The following JMJD1C variants were observed in gnomAD, a reference collection of about 807,000 sequenced individuals.
The protein encoded by JMJD1C is jumonji domain containing 1C.
JMJD1C carries 31 observed loss-of-function variants against 245.3 expected under a neutral mutation model. That is an observed-to-expected ratio of 0.13 (90% CI 0.09 to 0.17). The LOEUF (loss-of-function observed/expected upper bound fraction) is 0.17, where lower values mean the gene tolerates loss of function less well. Among genes scored for constraint, JMJD1C ranks in the 10% least tolerant of loss-of-function variants. The probability of loss-of-function intolerance (pLI) is 1.00; values close to 1 mark genes in which losing one functional copy is unlikely to be tolerated. For missense variants in JMJD1C, 2,691 were observed against 3,000.2 expected (o/e 0.90, Z 2.41); for synonymous variants, 1,057 against 1,017.4 (o/e 1.04, Z -0.74).
intron 1 of JMJD1C, among the ~76,000 whole-genome samples, chr10:63,398,897 T>C (rs1008710668): frequency 1.3e-5 from 2 of 152,208 alleles, no homozygotes; most frequent in African/African-American, 4.8e-5. Context: ...TTCACATGCT[T>C]TGGCCTCCCA....
chr10:63,465,673 G>A lies in JMJD1C; in HGVS notation c.-11C>T. On this transcript the variant is annotated 5_prime_UTR_variant, in exon 1 of 26. Transcript: ENST00000399262. The stretch of plus-strand genomic sequence containing the variant: ...CGTCTCTACCGCCATAGCTGTCGCT[G>A]CCGAAGCGGCCGCTGCCTCCTCCAG... The A allele has an allele frequency of 1.2e-6, 2 of 1,606,556 alleles. No homozygotes were observed. Among genetic ancestry groups the A allele is most frequent in the Non-Finnish European group, 1.7e-6 (2 of 1,179,770 alleles).
At chr10:63,342,394 C>A (rs993318969) in intron 2 of JMJD1C, among the ~76,000 whole-genome samples, 2 of 152,168 alleles carry the variant, frequency 1.3e-5, no homozygotes, top group African/African-American at 4.8e-5. Flanking sequence ...AAGACAAAAA[C>A]CATTGTTAAT....
At chr10:63,405,704 T>C (rs1460158552) in intron 1 of JMJD1C, among the ~76,000 whole-genome samples, 1 of 152,178 alleles carries the variant, frequency 6.6e-6, no homozygotes, top group Non-Finnish European at 1.5e-5. Flanking sequence ...TTTAATTCTA[T>C]AGATGTCAAT....
At chr10:63,248,764 A>T (rs2133600070) in intron 3 of JMJD1C, among the ~76,000 whole-genome samples, 1 of 152,316 alleles carries the variant, frequency 6.6e-6, no homozygotes, top group South Asian at 2.1e-4. Context: ...TATCAAAGAG[A>T]TAGCTGCATT....
chr10:63,437,735 A>G (rs1437824560), intron 1 of JMJD1C, among the ~76,000 whole-genome samples: 2 of 152,176 alleles, frequency 1.3e-5, no homozygotes, highest in Non-Finnish European at 2.9e-5. Context: ...TGTTCCCACT[A>G]TTACACTGAA....
chr10:63,437,525 T>C (rs188456115), intron 1 of JMJD1C, among the ~76,000 whole-genome samples: 11 of 152,344 alleles, frequency 7.2e-5, no homozygotes, highest in East Asian at 5.8e-4. Flanking sequence ...AATTCCTCCT[T>C]AGTTGCATCA....
intron 3 of JMJD1C, among the ~76,000 whole-genome samples, chr10:63,252,919 G>A (rs752482183): frequency 6.6e-6 from 1 of 152,302 alleles, no homozygotes; most frequent in South Asian, 2.1e-4. Flanking sequence ...AGCAATAAAT[G>A]AATGCCTATA....
chr10:63,289,098 C>T (rs867386648), intron 2 of JMJD1C, among the ~76,000 whole-genome samples: 23 of 151,888 alleles, frequency 1.5e-4, no homozygotes, highest in Non-Finnish European at 1.2e-4. Context: ...TGGGTCTTTT[C>T]GTTGCCTGGC....
At chr10:63,505,117 C>T (rs1954677934) in intron 1 of JMJD1C, among the ~76,000 whole-genome samples, 1 of 152,098 alleles carries the variant, frequency 6.6e-6, no homozygotes. Context: ...TCGAGACCAT[C>T]CTGGCTAACA....
intron 2 of JMJD1C, among the ~76,000 whole-genome samples, chr10:63,356,547 C>T (rs1183417100): frequency 1.3e-5 from 2 of 152,178 alleles, no homozygotes; most frequent in African/African-American, 4.8e-5. Flanking sequence ...GGAGATATTA[C>T]AATGGTTTGG....
Position 63,234,493 on chromosome 10 carries a change from T to TAAAAAAA in JMJD1C, c.448-14517_448-14511dup, listed in dbSNP as rs71025129. ...TCATCAACAGAGAGAAACCTCCTCTTAAAAAAAAAAAAAAAAAAAAAAAAA... is the reference window on the plus strand; with the variant it reads ...TCATCAACAGAGAGAAACCTCCTCTTAAAAAAAAAAAAAAAAAAAAAAAAAAAAAAAA... On this transcript the variant is annotated intron_variant, in intron 3 of 25. Coordinates refer to ENST00000399262, the MANE Select transcript of JMJD1C (RefSeq NM_032776.3). 3.1e-3 allele frequency among the ~76,000 whole-genome samples: 113 copies of TAAAAAAA among 37,012 alleles called. 2 individuals are homozygous for TAAAAAAA. Among genetic ancestry groups the TAAAAAAA allele is most frequent in the East Asian group, 0.023 (25 of 1,066 alleles). 24.3% of individuals were successfully genotyped at this position (37,012 alleles called of 152,430 possible).
chr10:63,450,027 C>G (rs1372880955), intron 1 of JMJD1C, among the ~76,000 whole-genome samples: 1 of 152,002 alleles, frequency 6.6e-6, no homozygotes, highest in Non-Finnish European at 1.5e-5. Flanking sequence ...ATAGGAGGCT[C>G]ACTTGGGCCC....
Position 63,269,697 on chromosome 10 carries a change from A to C in JMJD1C, c.334-4933T>G, listed in dbSNP as rs989527120. Among the ~76,000 whole-genome samples, 21 of 152,320 alleles carry C rather than the reference A, an allele frequency of 1.4e-4. No individual in the cohort carries two copies. In the South Asian group the frequency reaches 4.3e-3, roughly 32 times the overall value. ...CTCATAGGCATTTTACTAAAAAAAA[A>C]CTGGTAATATTTATTTTGGTAGATT... On this transcript the variant is annotated intron_variant, in intron 2 of 25. Coordinates refer to ENST00000399262, the MANE Select transcript of JMJD1C (RefSeq NM_032776.3).
At chr10:63,374,753 C>G (rs1398516065) in intron 2 of JMJD1C, among the ~76,000 whole-genome samples, 1 of 152,038 alleles carries the variant, frequency 6.6e-6, no homozygotes, top group East Asian at 1.9e-4. Context: ...TAAAAATGAT[C>G]CTAAATTACT....
chr10:63,259,574 G>T (rs1168172818), intron 3 of JMJD1C, among the ~76,000 whole-genome samples: 1 of 152,172 alleles, frequency 6.6e-6, no homozygotes, highest in African/African-American at 2.4e-5. Flanking sequence ...GATCAATGAT[G>T]AAAGAAATAT....
intron 1 of JMJD1C, chr10:63,521,640 A>C: frequency 8.2e-7 from 1 of 1,219,526 alleles, no homozygotes; most frequent in Non-Finnish European, 1.1e-6. Context: ...GGGAAGGGGA[A>C]GGAGCCGAGA....
At chr10:63,245,305 G>T (rs762367970) in intron 3 of JMJD1C, among the ~76,000 whole-genome samples, 1 of 151,676 alleles carries the variant, frequency 6.6e-6, no homozygotes, top group Non-Finnish European at 1.5e-5. Flanking sequence ...GTTTTCACAC[G>T]GCTGATAAAG....
chr10:63,447,577 AATC>A (rs1490517261), intron 1 of JMJD1C, among the ~76,000 whole-genome samples: 2 of 152,326 alleles, frequency 1.3e-5, no homozygotes, highest in East Asian at 3.9e-4. Context: ...CTCTAACATG[AATC>A]ATAATATTCC....
chr10:63,173,914 A>G (rs1305640619), intron 24 of JMJD1C, among the ~76,000 whole-genome samples: 1 of 152,260 alleles, frequency 6.6e-6, no homozygotes, highest in African/African-American at 2.4e-5. Context: ...AAGTAGATAT[A>G]CAGATGGCAA....
Sources: allele counts gnomAD v4.1 joint callset (sites outside exome capture counted in the v4.1 genomes callset), GRCh38; gene constraint gnomAD v4.1.1; transcripts MANE v1.5; gene names NCBI Gene and HGNC (gene_info 2026-07-23, HGNC 2026-07-21).